Variants in TMEM9 observed in about 807,000 individuals in gnomAD.
TMEM9 encodes proton-transporting V-type ATPase complex assembly regulator TMEM9.
In TMEM9, 13 loss-of-function variants were observed where a neutral mutation model predicts 22.8. The ratio of observed to expected loss-of-function variants is 0.57; its 90% CI spans 0.37 to 0.91. The LOEUF (loss-of-function observed/expected upper bound fraction) is 0.91, where lower values mean the gene tolerates loss of function less well. TMEM9 is among the 40% of genes least tolerant of loss of function. The pLI is 0.01. For synonymous variants in TMEM9, 88 were observed against 93.0 expected, an observed-to-expected ratio of 0.95 and a Z score of 0.31; for missense variants, 182 against 238.1, an observed-to-expected ratio of 0.76 and a Z score of 1.55.
intron 4 of TMEM9, among the ~76,000 whole-genome samples, chr1:201,141,027 A>T (rs1278587789): frequency 6.6e-6 from 1 of 152,090 alleles, no homozygotes; most frequent in Admixed American, 6.5e-5. Flanking sequence ...TGCCCTGTTC[A>T]TCCTCCCTGC....
At chr1:201,142,716 A>C (rs1385294427) in intron 4 of TMEM9, among the ~76,000 whole-genome samples, 1 of 152,266 alleles carries the variant, frequency 6.6e-6, no homozygotes, top group Non-Finnish European at 1.5e-5. Context: ...TCCAGCAGCA[A>C]GGCCCTGGGG....
At chr1:201,171,296 G>A (rs914066128) in intron 1 of TMEM9, among the ~76,000 whole-genome samples, 7 of 152,168 alleles carry the variant, frequency 4.6e-5, no homozygotes, top group South Asian at 2.1e-4. Context: ...AAAGCCCGCT[G>A]GGACCCACCG....
intron 1 of TMEM9, among the ~76,000 whole-genome samples, chr1:201,152,350 G>A (rs949244400): frequency 6.6e-6 from 1 of 152,192 alleles, no homozygotes; most frequent in Non-Finnish European, 1.5e-5. Flanking sequence ...GAATACTCAA[G>A]CAACCCCTTT....
intron 4 of TMEM9, among the ~76,000 whole-genome samples, chr1:201,142,407 C>T (rs780201329): frequency 2.6e-5 from 4 of 152,194 alleles, no homozygotes; most frequent in Non-Finnish European, 4.4e-5. Context: ...CAAGGGAGCC[C>T]AGCCCACCTA....
intron 1 of TMEM9, among the ~76,000 whole-genome samples, chr1:201,160,504 G>A (rs971526700): frequency 2.6e-5 from 4 of 152,032 alleles, no homozygotes; most frequent in Non-Finnish European, 4.4e-5. Context: ...CAAGAGAATC[G>A]CTTGAACCCA....
chr1:201,161,504 G>A (rs1572139217), intron 1 of TMEM9, among the ~76,000 whole-genome samples: 2 of 152,298 alleles, frequency 1.3e-5, no homozygotes, highest in East Asian at 3.9e-4. Flanking sequence ...ATGCTCCCAG[G>A]AACAGTATCA....
At chr1:201,146,705 G>A (rs746932070) in intron 3 of TMEM9, 35 bp downstream of exon 3, 1 of 1,596,080 alleles carries the variant, frequency 6.3e-7, no homozygotes, top group Non-Finnish European at 8.6e-7. Flanking sequence ...ATGGCGTGTG[G>A]GAATCCCACT....
At chr1:201,159,637 C>T (rs1349382976) in intron 1 of TMEM9, among the ~76,000 whole-genome samples, 1 of 148,092 alleles carries the variant, frequency 6.8e-6, no homozygotes, top group Non-Finnish European at 1.5e-5. Flanking sequence ...TGGTCTCAAA[C>T]TCTTGACCTC....
chr1:201,144,177 C>T (rs965332642), intron 3 of TMEM9: 109 of 493,400 alleles, frequency 2.2e-4, no homozygotes, highest in Non-Finnish European at 1.5e-4. Flanking sequence ...GGAGTCTGCA[C>T]AGCAGGCATC....
chr1:201,145,324 G>A (rs1312362432), intron 3 of TMEM9: 1 of 152,508 alleles, frequency 6.6e-6, no homozygotes, highest in East Asian at 1.9e-4. Context: ...GGTCCCTGGA[G>A]GGTGAGGCCC....
chr1:201,156,488 G>T (rs1034777927), upstream of TMEM9, among the ~76,000 whole-genome samples: 14 of 152,126 alleles, frequency 9.2e-5, no homozygotes, highest in African/African-American at 3.4e-4. Context: ...CAAGCCAAGT[G>T]GTTACCATTT....
chr1:201,163,427 T>C (rs532964934), intron 1 of TMEM9, among the ~76,000 whole-genome samples: 2 of 152,138 alleles, frequency 1.3e-5, no homozygotes, highest in Non-Finnish European at 2.9e-5. Context: ...CCGTCTCTAC[T>C]AAAGATACAA....
chr1:201,158,365 C>T (rs1051912705), upstream of TMEM9, among the ~76,000 whole-genome samples: 4 of 145,136 alleles, frequency 2.8e-5, no homozygotes, highest in Non-Finnish European at 4.5e-5. Context: ...ACAAATACTG[C>T]CAGGAAGGGT....
At chr1:201,143,728 G>A in intron 4 of TMEM9, 92 bp downstream of exon 4, 1 of 1,350,614 alleles carries the variant, frequency 7.4e-7, no homozygotes, top group Non-Finnish European at 1.0e-6. Context: ...TTTTGGGGAG[G>A]TGGGACCTGG....
intron 1 of TMEM9, among the ~76,000 whole-genome samples, chr1:201,152,160 G>GT (rs1665477951): frequency 1.0e-5 from 1 of 99,264 alleles, no homozygotes; most frequent in African/African-American, 6.0e-5. Flanking sequence ...GAGGGGAAAT[G>GT]GGTGTGTGTG....
At chr1:201,147,722 C>A (rs181564484) in intron 2 of TMEM9, among the ~76,000 whole-genome samples, 2 of 152,330 alleles carry the variant, frequency 1.3e-5, no homozygotes, top group Admixed American at 1.3e-4. Context: ...AGGGCCAATG[C>A]TAACTCAATT....
rs781304167 is a variant in TMEM9 at position 201,143,961 on chromosome 1, AGACCGGCGT to A, written c.268-19_268-11del. 17 of 1,613,940 alleles carry A rather than the reference AGACCGGCGT, an allele frequency of 1.1e-5. 1 individual carries two copies. The South Asian group carries it at 1.9e-4, about 18-fold the overall frequency. Reference sequence around the variant, plus strand: ...AGATGACAATGATGACCTGAGGAAGAGACCGGCGTGCCTATGAACCATTATCTGAGGCCA... The same window carrying A: ...AGATGACAATGATGACCTGAGGAAGAGCCTATGAACCATTATCTGAGGCCA... On this transcript the variant is annotated splice_polypyrimidine_tract_variant and intron_variant, in intron 3 of 4. Transcript: ENST00000367330.
chr1:201,163,322 G>A (rs1017937219), intron 1 of TMEM9, among the ~76,000 whole-genome samples: 3 of 152,014 alleles, frequency 2.0e-5, no homozygotes, highest in Non-Finnish European at 4.4e-5. Flanking sequence ...GGGCGCGGTG[G>A]CTCACACCTA....
intron 2 of TMEM9, among the ~76,000 whole-genome samples, chr1:201,150,061 T>C (rs1290351464): frequency 2.6e-5 from 4 of 152,260 alleles, no homozygotes; most frequent in Non-Finnish European, 5.9e-5. Flanking sequence ...CTCCGTCCTC[T>C]GCAGGCATCC....
Sources: allele counts gnomAD v4.1 joint callset (sites outside exome capture counted in the v4.1 genomes callset), GRCh38; gene constraint gnomAD v4.1.1; transcripts MANE v1.5; gene names NCBI Gene and HGNC (gene_info 2026-07-23, HGNC 2026-07-21).